SMCHD1: variants seen among roughly 807,000 people sequenced by gnomAD.
SMCHD1 encodes structural maintenance of chromosomes flexible hinge domain-containing protein 1.
SMCHD1 carries 78 observed loss-of-function variants against 254.7 expected under a neutral mutation model. The observed-to-expected ratio is 0.31, with a 90% CI of 0.26 to 0.37. SMCHD1 has a LOEUF of 0.37. SMCHD1 is among the 10% of genes least tolerant of loss of function. The pLI is 1.00. For missense variants in SMCHD1, 1,840 were observed against 2,408.1 expected, an observed-to-expected ratio of 0.76 and a Z score of 4.94; for synonymous variants, 766 against 794.9, an observed-to-expected ratio of 0.96 and a Z score of 0.61.
chr18:2,771,166 GATA>G (rs1327735791), intron 39 of SMCHD1, among the ~76,000 whole-genome samples: 4 of 152,268 alleles, frequency 2.6e-5, no homozygotes, highest in African/African-American at 9.6e-5. Flanking sequence ...CTAGTAGTGA[GATA>G]ATGTCATTTG....
intron 25 of SMCHD1, among the ~76,000 whole-genome samples, chr18:2,735,026 C>T (rs939094315): frequency 5.3e-5 from 8 of 151,328 alleles, no homozygotes; most frequent in African/African-American, 1.2e-4. Flanking sequence ...GCCAAGATTG[C>T]GCCACTGCAC....
chr18:2,770,746 A>G (rs1032657174), intron 39 of SMCHD1, among the ~76,000 whole-genome samples: 5 of 151,898 alleles, frequency 3.3e-5, no homozygotes, highest in Admixed American at 6.6e-5. Flanking sequence ...TCAGCCTCCC[A>G]AGTAGCTAGG....
chr18:2,690,981 C>G (rs1382121467), intron 7 of SMCHD1, among the ~76,000 whole-genome samples: 1 of 143,884 alleles, frequency 7.0e-6, no homozygotes, highest in African/African-American at 2.6e-5. Flanking sequence ...AAAACCTTTT[C>G]TTTCATTAGT....
At chr18:2,740,635 A>C in intron 27 of SMCHD1, 68 bp from the exon 28 acceptor site, 1 of 694,534 alleles carries the variant, frequency 1.4e-6, no homozygotes, top group Non-Finnish European at 2.2e-6. Flanking sequence ...ATGTTTTTAT[A>C]GTGTATTGTA....
intron 5 of SMCHD1, among the ~76,000 whole-genome samples, chr18:2,687,964 TC>T (rs1183213858): frequency 6.6e-6 from 1 of 152,212 alleles, no homozygotes; most frequent in African/African-American, 2.4e-5. Flanking sequence ...GGTGCACTGT[TC>T]CCTCAGAGCT....
chr18:2,702,717 ACT>A (rs1026538360), intron 12 of SMCHD1, among the ~76,000 whole-genome samples: 1 of 152,186 alleles, frequency 6.6e-6, no homozygotes, highest in African/African-American at 2.4e-5. Flanking sequence ...CATTCATATA[ACT>A]TTAAAAAAAT....
chr18:2,776,008 T>TA, intron 42 of SMCHD1, 84 bp downstream of exon 42: 1 of 1,176,366 alleles, frequency 8.5e-7, no homozygotes, highest in Non-Finnish European at 1.2e-6. Flanking sequence ...ATGATTTCTC[T>TA]AAAAGATACC....
chr18:2,719,259 T>TCTCCTCTCTCCTCTCTCCC (rs2074871555), intron 19 of SMCHD1, among the ~76,000 whole-genome samples: 1 of 150,550 alleles, frequency 6.6e-6, no homozygotes, highest in South Asian at 2.1e-4. Flanking sequence ...TCTCCTCTCC[T>TCTCCTCTCTCCTCTCTCCC]CTCCTCTCTC....
In SMCHD1 at chr18:2,679,621, T is replaced by G. The variant is rs887033728; in HGVS notation, c.638+5476T>G. Among the ~76,000 whole-genome samples the G allele has an allele frequency of 2.6e-5, 4 of 152,284 alleles. No homozygotes were observed. The East Asian group carries it at 5.8e-4, about 22-fold the overall frequency. ...AATCTTTTTGAGGATCACTTCTGTG[T>G]AACAAATTGCTTCTCTCACTGCTTT... On this transcript the variant is annotated intron_variant, in intron 5 of 47. Transcript: ENST00000320876.
At chr18:2,708,899 TATATATATAA>T (rs2074592204) in intron 17 of SMCHD1, among the ~76,000 whole-genome samples, 2 of 70,622 alleles carry the variant, frequency 2.8e-5, no homozygotes, top group South Asian at 5.2e-4. Context: ...TATATATATA[TATATATATAA>T]CATATTAACA....
In SMCHD1 at chr18:2,751,357, G is replaced by T; in HGVS notation, c.4245G>T (p.Trp1415Cys). Residue 1415 changes from tryptophan to cysteine, a missense_variant, in exon 33 of 48, where the codon TGG becomes TGT. This residue lies in a region of SMCHD1 where 881 missense variants were observed against 1,009.5 expected (regional missense o/e 0.87). Transcript: ENST00000320876. ...INPARISMKM[W>C]KLSTSGNRPP... is the part of the protein sequence containing the mutation. Reference sequence around the variant, plus strand: ...CAGCACGTATTTCCATGAAAATGTGGAAGCTGTCTACCAGTGGGAACCGAC... The same window carrying T: ...CAGCACGTATTTCCATGAAAATGTGTAAGCTGTCTACCAGTGGGAACCGAC... 1 of 1,577,676 alleles carries T rather than the reference G, an allele frequency of 6.3e-7. No homozygotes were observed. Among genetic ancestry groups the T allele is most frequent in the Non-Finnish European group, 8.6e-7 (1 of 1,167,688 alleles).
chr18:2,757,388 T>A (rs72864700), intron 34 of SMCHD1, among the ~76,000 whole-genome samples: 154 of 152,068 alleles, frequency 1.0e-3, no homozygotes, highest in Non-Finnish European at 1.8e-3. Flanking sequence ...TTTTTTTTTT[T>A]AATTTGGTAG....
intron 25 of SMCHD1, among the ~76,000 whole-genome samples, chr18:2,737,328 T>C (rs748480351): frequency 3.0e-4 from 45 of 152,220 alleles, no homozygotes; most frequent in Non-Finnish European, 3.7e-4. Context: ...CTCAGTGACA[T>C]GCAATTTATC....
At chr18:2,752,422 C>A in intron 33 of SMCHD1, 66 bp from the exon 34 acceptor site, 1 of 1,026,138 alleles carries the variant, frequency 9.7e-7, no homozygotes, top group Non-Finnish European at 1.5e-6. Context: ...AAGCTTTCCT[C>A]CTAAGTATAC....
chr18:2,664,273 A>G (rs946657787), intron 1 of SMCHD1, among the ~76,000 whole-genome samples: 1 of 152,192 alleles, frequency 6.6e-6, no homozygotes, highest in African/African-American at 2.4e-5. Context: ...GTCCCTGTCC[A>G]TATTGAGTTC....
chr18:2,705,070 A>G (rs954149246), intron 13 of SMCHD1, among the ~76,000 whole-genome samples: 5 of 148,766 alleles, frequency 3.4e-5, no homozygotes, highest in Admixed American at 1.4e-4. Flanking sequence ...TAATCTGAGC[A>G]TAGAGATGTG....
intron 8 of SMCHD1, among the ~76,000 whole-genome samples, chr18:2,695,634 T>C (rs958821952): frequency 2.0e-5 from 3 of 152,144 alleles, no homozygotes; most frequent in African/African-American, 7.2e-5. Flanking sequence ...TATAGCTATG[T>C]GATACATACG....
chr18:2,689,664 G>C (rs1024985016), intron 7 of SMCHD1, among the ~76,000 whole-genome samples: 10 of 151,866 alleles, frequency 6.6e-5, no homozygotes, highest in African/African-American at 2.2e-4. Flanking sequence ...CCTGGACTCA[G>C]GCAGTCTTCC....
At chr18:2,707,338 T>C in intron 15 of SMCHD1, 1 of 311,704 alleles carries the variant, frequency 3.2e-6, no homozygotes, top group Non-Finnish European at 5.8e-6. Context: ...GTTTCTGGCT[T>C]TTAATTCCAA....
Sources: gnomAD v4.1 joint callset for allele counts (sites outside exome capture counted in the v4.1 genomes callset) on GRCh38, gnomAD v4.1.1 for gene constraint, gnomAD v4.1.1 regional missense constraint, MANE v1.5 for transcripts, NCBI Gene and HGNC (gene_info 2026-07-23, HGNC 2026-07-21) for gene names.